LRP2: variants seen among roughly 807,000 people sequenced by gnomAD.
LRP2 encodes low-density lipoprotein receptor-related protein 2.
A neutral mutation model predicts 531.0 loss-of-function variants in LRP2; 172 were observed. The ratio of observed to expected loss-of-function variants is 0.32; its 90% CI spans 0.29 to 0.37. LRP2 has a LOEUF of 0.37. Among genes scored for constraint, LRP2 ranks in the 10% least tolerant of loss-of-function variants. The pLI, the probability that LRP2 is intolerant of heterozygous loss-of-function variation, is 1.00. For missense variants in LRP2, 5,167 were observed against 5,868.3 expected (o/e 0.88, Z 3.90); for synonymous variants, 1,992 against 2,027.6 (o/e 0.98, Z 0.47).
chr2:169,341,754 A>G (rs1685568262), intron 1 of LRP2, among the ~76,000 whole-genome samples: 1 of 152,138 alleles, frequency 6.6e-6, no homozygotes, highest in South Asian at 2.1e-4. Context: ...ACTCATTAGT[A>G]AAAAGGGAAT....
intron 22 of LRP2, 66 bp downstream of exon 22, chr2:169,244,627 G>A (rs1265938270): frequency 1.9e-6 from 3 of 1,605,524 alleles, no homozygotes; most frequent in African/African-American, 1.3e-5. Context: ...AAGAATGCAA[G>A]GCCATTTGGT....
At chr2:169,325,389 A>G (rs1685021795) in intron 1 of LRP2, among the ~76,000 whole-genome samples, 1 of 152,248 alleles carries the variant, frequency 6.6e-6, no homozygotes, top group Non-Finnish European at 1.5e-5. Context: ...AAACAAACAA[A>G]TTTAAGAGGC....
At chr2:169,299,137 AAGAAAGAAAGAAAG>A (rs1684217314) in intron 4 of LRP2, among the ~76,000 whole-genome samples, 1 of 27,150 alleles carries the variant, frequency 3.7e-5, no homozygotes, top group African/African-American at 8.7e-5. Context: ...GAAAGAAAGA[AAGAAAGAAAGAAAG>A]AAAGAAAAAA....
In LRP2 at chr2:169,279,428, G is replaced by A; in HGVS notation, c.1509C>T (p.Thr503=). 6.2e-7 allele frequency: 1 copy of A among 1,613,960 alleles called. No homozygotes were observed. The highest frequency in any genetic ancestry group is 1.1e-5 in the South Asian group (1 of 91,070). Residue 503 remains threonine (T), a synonymous_variant, in exon 12 of 79, where the codon ACC becomes ACT. Coordinates refer to ENST00000649046, the MANE Select transcript of LRP2 (RefSeq NM_004525.3). ...GATGCCCCAAGTTTTCAGTTATAAG[G>A]GTAACCCGATAGCTTCCATCCAAAT... ...MVNLDGSYRV[T]LITENLGHPR...
At chr2:169,177,728 G>A in intron 53 of LRP2, 75 bp downstream of exon 53, 1 of 1,265,718 alleles carries the variant, frequency 7.9e-7, no homozygotes, top group Non-Finnish European at 1.2e-6. Flanking sequence ...AAATCACGAA[G>A]TTCATGCTTA....
chr2:169,214,204 G>A lies in LRP2; in HGVS notation c.5827-334C>T, dbSNP rs189727705. ...GATATACTCAAACATCTAAGCGTGG[G>A]CCATTGCACAGGAGCTGACTCACCC... is the stretch of plus-strand genomic sequence containing the variant. On this transcript the variant is annotated intron_variant, in intron 35 of 78. Coordinates refer to ENST00000649046, the MANE Select transcript of LRP2 (RefSeq NM_004525.3). Among the ~76,000 whole-genome samples, 4 of 152,232 alleles carry A rather than the reference G, an allele frequency of 2.6e-5. No individual in the cohort carries two copies. In the East Asian group the frequency reaches 7.7e-4, roughly 29 times the overall value.
chr2:169,237,067 A>G, intron 28 of LRP2, 36 bp downstream of exon 28: 2 of 1,551,070 alleles, frequency 1.3e-6, no homozygotes, highest in Non-Finnish European at 1.8e-6. Flanking sequence ...CATCATAACC[A>G]TGTCAAGGCA....
At chr2:169,229,294 G>A (rs1006696237) in intron 31 of LRP2, among the ~76,000 whole-genome samples, 5 of 152,178 alleles carry the variant, frequency 3.3e-5, no homozygotes, top group Admixed American at 1.3e-4. Context: ...ATTAATGTTA[G>A]TGTCAGCAGA....
In LRP2 at chr2:169,278,193, A is replaced by G. The variant is rs1375493743; in HGVS notation, c.1566-242T>C. 7.9e-5 allele frequency among the ~76,000 whole-genome samples: 12 copies of G among 152,244 alleles called. No individual in the cohort carries two copies. In the South Asian group the frequency reaches 2.5e-3, roughly 32 times the overall value. On this transcript the variant is annotated intron_variant, in intron 12 of 78. Transcript: ENST00000649046. The stretch of plus-strand genomic sequence containing the variant: ...CACTAATATGGCAGTCTAAAAGTTC[A>G]TATTCAGCCAGCCAGGCACAGTGGT...
At chr2:169,198,759 G>C in intron 45 of LRP2, 27 bp downstream of exon 45, 1 of 1,611,522 alleles carries the variant, frequency 6.2e-7, no homozygotes, top group Non-Finnish European at 8.5e-7. Context: ...TGGAACGATA[G>C]AAAGAAAGCA....
intron 13 of LRP2, among the ~76,000 whole-genome samples, chr2:169,276,535 T>C (rs1424270177): frequency 6.6e-6 from 1 of 152,136 alleles, no homozygotes; most frequent in African/African-American, 2.4e-5. Context: ...ATTCTCCTTA[T>C]GGAAGCCAGT....
intron 68 of LRP2, among the ~76,000 whole-genome samples, chr2:169,149,528 A>G (rs1686045975): frequency 6.6e-6 from 1 of 152,146 alleles, no homozygotes; most frequent in Admixed American, 6.6e-5. Flanking sequence ...AGAGAAAGGA[A>G]TTACAAAGAC....
intron 8 of LRP2, 88 bp from the exon 9 acceptor site, chr2:169,289,233 G>T: frequency 1.3e-6 from 2 of 1,513,774 alleles, no homozygotes; most frequent in Middle Eastern, 1.7e-4. Context: ...ATGAGTAGCA[G>T]CTCAGTAAGC....
intron 16 of LRP2, 49 bp from the exon 17 acceptor site, chr2:169,259,266 G>T (rs1690439138): frequency 1.4e-6 from 2 of 1,453,000 alleles, no homozygotes; most frequent in Non-Finnish European, 1.9e-6. Flanking sequence ...ATTTTGTAAG[G>T]CATCAATTTT....
chr2:169,153,708 C>T (rs950263557), intron 66 of LRP2, among the ~76,000 whole-genome samples: 1 of 151,980 alleles, frequency 6.6e-6, no homozygotes, highest in Non-Finnish European at 1.5e-5. Context: ...TTTAGGATCA[C>T]AAAGCTAGTA....
chr2:169,189,909 ACGAACAAAG>A (rs1687772733), intron 48 of LRP2, among the ~76,000 whole-genome samples: 1 of 152,144 alleles, frequency 6.6e-6, no homozygotes, highest in African/African-American at 2.4e-5. Context: ...GGAACAATGG[ACGAACAAAG>A]AAAGGGAGAG....
chr2:169,152,944 G>T lies in LRP2; in HGVS notation c.12316C>A (p.Arg4106=). The T allele has an allele frequency of 1.2e-6, 2 of 1,613,848 alleles. No homozygotes were observed. Among genetic ancestry groups the T allele is most frequent in the Non-Finnish European group, 1.7e-6 (2 of 1,179,902 alleles). ...GCACCAAACCTAGAGCCCTCCCCTCGCACAGTGTAATACACAACACCTACA... is the reference window on the plus strand; with the variant it reads ...GCACCAAACCTAGAGCCCTCCCCTCTCACAGTGTAATACACAACACCTACA... The part of the protein sequence containing the change: ...IGLSVVYYTV[R]GEGSRFGAIK... The change falls in exon 67 of 79, where the codon CGA becomes AGA. Residue 4106 remains arginine, a synonymous_variant. Coordinates refer to ENST00000649046, the MANE Select transcript of LRP2 (RefSeq NM_004525.3).
intron 7 of LRP2, among the ~76,000 whole-genome samples, chr2:169,291,634 T>A (rs1009209595): frequency 6.6e-5 from 10 of 152,024 alleles, no homozygotes; most frequent in African/African-American, 2.4e-4. Context: ...CATAAAAGGG[T>A]GAATATCACT....
intron 4 of LRP2, among the ~76,000 whole-genome samples, chr2:169,306,776 G>A (rs2105491484): frequency 6.6e-6 from 1 of 152,164 alleles, no homozygotes; most frequent in South Asian, 2.1e-4. Flanking sequence ...AGAATACTAT[G>A]ATTTATATGT....
Sources: gnomAD v4.1 joint callset for allele counts (sites outside exome capture counted in the v4.1 genomes callset) on GRCh38, gnomAD v4.1.1 for gene constraint, MANE v1.5 for transcripts, NCBI Gene and HGNC (gene_info 2026-07-23, HGNC 2026-07-21) for gene names.